The following SLC6A8 variants were observed in gnomAD, a reference collection of about 807,000 sequenced individuals.
SLC6A8 encodes the protein solute carrier family 6 member 8.
In SLC6A8, 6 loss-of-function variants were observed where a neutral mutation model predicts 48.3. The ratio of observed to expected loss-of-function variants is 0.12; its 90% CI spans 0.07 to 0.25. The LOEUF is 0.25. Ranked by LOEUF, SLC6A8 falls within the 10% of genes least tolerant of loss-of-function variation. The probability of loss-of-function intolerance (pLI) is 1.00; values close to 1 mark genes in which losing one functional copy is unlikely to be tolerated. For synonymous variants in SLC6A8, 245 were observed against 244.0 expected (o/e 1.00, Z -0.04); for missense variants, 260 against 551.5 (o/e 0.47, Z 5.29).
Position 153,693,547 on chromosome X carries a change from G to A in SLC6A8, c.1102G>A (p.Ala368Thr), listed in dbSNP as rs2091469604. 8.3e-7 allele frequency: 1 copy of A among 1,210,830 alleles called. No homozygotes were observed. Among genetic ancestry groups the A allele is most frequent in the Non-Finnish European group, 1.1e-6 (1 of 894,763 alleles). ...CTTCTCCATCCTGGGCTTCATGGCT[G>A]CAGAGCAGGGCGTGCACATCTCCAA... Reference protein sequence around the residue: ...VVFSILGFMAAEQGVHISKVA... With the variant: ...VVFSILGFMATEQGVHISKVA... Residue 368 changes from alanine to threonine, a missense_variant, in exon 7 of 13, where the codon GCA becomes ACA. Physicochemically the swap from Ala to Thr is moderately conservative, Grantham distance 58. Around this residue, in one of 7 missense-constraint regions of SLC6A8, gnomAD observed 75 missense variants for 248.8 expected, o/e 0.30. Coordinates refer to ENST00000253122, the MANE Select transcript of SLC6A8 (RefSeq NM_005629.4).
rs781788160 is a variant in SLC6A8, at chrX:153,694,159, C to T, written c.1284C>T (p.Gly428=). 12 of 1,210,158 alleles carry T rather than the reference C, an allele frequency of 9.9e-6. No individual in the cohort carries two copies. The highest frequency in any genetic ancestry group is 2.3e-4 in the Middle Eastern group (1 of 4,325). The change falls in exon 9 of 13, where the codon GGC becomes GGT. Residue 428 remains glycine (G), a synonymous_variant. Coordinates refer to ENST00000253122, the MANE Select transcript of SLC6A8 (RefSeq NM_005629.4). The part of the protein sequence containing the change: ...QFVGVEGFIT[G]LLDLLPASYY... ...TAGGTGTGGAGGGCTTCATCACCGG[C>T]CTCCTCGACCTCCTCCCGGCCTCCT... is the stretch of plus-strand genomic sequence containing the variant.
intron 4 of SLC6A8, chrX:153,692,771 C>G (rs1557044815): frequency 2.2e-6 from 1 of 454,673 alleles, no homozygotes; most frequent in Non-Finnish European, 4.0e-6. Flanking sequence ...CGCCTCCTGT[C>G]CCCACTGAGG....
At chrX:153,692,145 C>CCCT (rs2091459348) in intron 4 of SLC6A8, 38 bp downstream of exon 4, 1 of 1,171,565 alleles carries the variant, frequency 8.5e-7, no homozygotes, top group African/African-American at 1.8e-5. Flanking sequence ...GGTGGCTCAG[C>CCCT]CCTGGGAGCC....
rs1486907456 is a variant in SLC6A8 at position 153,688,168 on chromosome X, C to T, written c.-407C>T. 5.1e-5 allele frequency: 5 copies of T among 98,279 alleles called. No individual in the cohort carries two copies. Among genetic ancestry groups the T allele is most frequent in the Non-Finnish European group, 1.0e-4 (5 of 47,879 alleles). The allele number at this position is 98,279 out of a possible 1,213,427, so 8.1% of individuals were successfully genotyped here. On this transcript the variant is annotated 5_prime_UTR_variant, in exon 1 of 13. Coordinates refer to ENST00000253122, the MANE Select transcript of SLC6A8 (RefSeq NM_005629.4). Reference sequence around the variant, plus strand: ...CCCTGCTCCGGCCGCCGCTTGCAGACCGCGGGCGCCGATGTCGCCCGCGCC... The same window carrying T: ...CCCTGCTCCGGCCGCCGCTTGCAGATCGCGGGCGCCGATGTCGCCCGCGCC...
intron 1 of SLC6A8, 46 bp downstream of exon 1, chrX:153,688,882 G>T (rs2091438500): frequency 1.1e-6 from 1 of 889,033 alleles, no homozygotes; most frequent in Non-Finnish European, 1.5e-6. Flanking sequence ...GCAGGCCGCC[G>T]GCCCCCGCCC....
intron 3 of SLC6A8, 36 bp downstream of exon 3, chrX:153,691,589 C>T: frequency 8.3e-7 from 1 of 1,206,606 alleles, no homozygotes; most frequent in Non-Finnish European, 1.1e-6. Context: ...CCCATCCCAT[C>T]CCCCAGGTCT....
At position 153,694,254 on chromosome X, in the gene SLC6A8, C is replaced by G; in HGVS notation, c.1379C>G (p.Ser460Cys). 1 of 1,211,447 alleles carries G rather than the reference C, an allele frequency of 8.3e-7. No individual in the cohort carries two copies. The highest frequency in any genetic ancestry group is 1.1e-6 in the Non-Finnish European group (1 of 895,183). Residue 460 changes from serine to cysteine, a missense_variant, in exon 9 of 13, where the codon TCC becomes TGC. By Grantham distance (112) the Ser-to-Cys change is moderately radical (BLOSUM62 -1). Transcript: ENST00000253122. Reference sequence around the variant, plus strand: ...GCCCTCTGCTTTGTCATCGATCTCTCCATGGTGACTGATGTGAGTGGGGTG... The same window carrying G: ...GCCCTCTGCTTTGTCATCGATCTCTGCATGGTGACTGATGTGAGTGGGGTG... ...CCALCFVIDL[S>C]MVTDGGMYVF...
At chrX:153,692,359 GTC>G (rs1557044655) in intron 4 of SLC6A8, 2 of 442,398 alleles carry the variant, frequency 4.5e-6, no homozygotes, top group Admixed American at 5.6e-5. Flanking sequence ...CCTCCTGCCA[GTC>G]TCTGACTCTT....
chrX:153,690,893 C>CCA (rs1557044294), intron 2 of SLC6A8: 1 of 74,502 alleles, frequency 1.3e-5, no homozygotes, highest in African/African-American at 1.9e-4. Context: ...CGACTAGAAA[C>CCA]CCCCCCCCCC....
Position 153,695,288 on chromosome X carries a change from AG to A in SLC6A8, c.*79del. 9.4e-7 allele frequency: 1 copy of A among 1,063,067 alleles called. No homozygotes were observed. The highest frequency in any genetic ancestry group is 1.3e-6 in the Non-Finnish European group (1 of 778,555). The allele number at this position is 1,063,067 out of a possible 1,213,427, so 87.6% of individuals were successfully genotyped here. A position where few individuals can be genotyped will look rare whatever the true frequency, so the allele number is the denominator to read the frequency against. ...TGCTTCAGCCCCACCGCACCCCTCC[AG>A]GGGGCCTGCCTTTCCCTGACACTTT... On this transcript the variant is annotated 3_prime_UTR_variant, in exon 13 of 13. Transcript: ENST00000253122.
At chrX:153,695,040 C>T in intron 12 of SLC6A8, 34 bp from the exon 13 acceptor site, 1 of 1,187,214 alleles carries the variant, frequency 8.4e-7, no homozygotes, top group Non-Finnish European at 1.1e-6. Flanking sequence ...AGCAGGTGAC[C>T]CTGGGGGCTT....
chrX:153,688,192 C>T lies in SLC6A8; in HGVS notation c.-383C>T, dbSNP rs1372345522. 1 of 98,046 alleles carries T rather than the reference C, an allele frequency of 1.0e-5. No homozygotes were observed. Among genetic ancestry groups the T allele is most frequent in the Non-Finnish European group, 2.1e-5 (1 of 47,648 alleles). 8.1% of individuals were successfully genotyped at this position (98,046 alleles called of 1,213,427 possible). On this transcript the variant is annotated 5_prime_UTR_variant, in exon 1 of 13. Transcript: ENST00000253122. ...ACCGCGGGCGCCGATGTCGCCCGCGCCCCGCTAGGCTGAGCCTCGGGTCGG... is the reference window on the plus strand; with the variant it reads ...ACCGCGGGCGCCGATGTCGCCCGCGTCCCGCTAGGCTGAGCCTCGGGTCGG...
intron 1 of SLC6A8, among the ~76,000 whole-genome samples, chrX:153,690,096 C>T (rs1557044127): frequency 8.8e-6 from 1 of 113,188 alleles, no homozygotes; most frequent in African/African-American, 3.2e-5. Context: ...CCATGGCCAT[C>T]GCCCCAAGTG....
Position 153,687,978 on chromosome X carries a change from C to T in SLC6A8, c.-597C>T, listed in dbSNP as rs1238858384. 9.4e-6 allele frequency: 1 copy of T among 106,825 alleles called. No individual in the cohort carries two copies. Among genetic ancestry groups the T allele is most frequent in the Non-Finnish European group, 2.0e-5 (1 of 50,879 alleles). 8.8% of individuals were successfully genotyped at this position (106,825 alleles called of 1,213,427 possible). A position where few individuals can be genotyped will look rare whatever the true frequency, so the allele number is the denominator to read the frequency against. On this transcript the variant is annotated 5_prime_UTR_variant, in exon 1 of 13. Transcript: ENST00000253122. ...GCGAGTCGCTGAGCCCGCCGCGGCC[C>T]CGAGAGCGGCTGCAGCCGCCGCCGC... is the stretch of plus-strand genomic sequence containing the variant.
intron 4 of SLC6A8, chrX:153,692,435 G>C (rs1186949441): frequency 5.5e-6 from 2 of 361,169 alleles, no homozygotes; most frequent in Non-Finnish European, 1.1e-5. Flanking sequence ...ACCCAGAGCA[G>C]AGTCTGGCCA....
chrX:153,691,859 G>A, intron 3 of SLC6A8, 116 bp from the exon 4 acceptor site: 1 of 878,236 alleles, frequency 1.1e-6, no homozygotes, highest in Non-Finnish European at 1.6e-6. Context: ...TTGGACAAGA[G>A]GGACCCGCTG....
chrX:153,693,244 C>A lies in SLC6A8; in HGVS notation c.913-19C>A, dbSNP rs782810502. 2.5e-6 allele frequency: 3 copies of A among 1,207,106 alleles called. No homozygotes were observed. The highest frequency in any genetic ancestry group is 2.2e-6 in the Non-Finnish European group (2 of 891,212). Reference sequence around the variant, plus strand: ...GCCCTGCAGGCCCCTCATGCCTGCGCTCTCCGGCCCTTCTCTAGGTGTGGA... The same window carrying A: ...GCCCTGCAGGCCCCTCATGCCTGCGATCTCCGGCCCTTCTCTAGGTGTGGA... On this transcript the variant is annotated intron_variant, in intron 5 of 12. Coordinates refer to ENST00000253122, the MANE Select transcript of SLC6A8 (RefSeq NM_005629.4).
rs1233444890 is a variant in SLC6A8, at chrX:153,688,650, G to A, written c.76G>A (p.Gly26Arg). 4.3e-5 allele frequency: 46 copies of A among 1,073,321 alleles called. No individual in the cohort carries two copies. The highest frequency in any genetic ancestry group is 5.2e-5 in the Non-Finnish European group (43 of 823,554). 88.5% of individuals were successfully genotyped at this position (1,073,321 alleles called of 1,213,427 possible). The stretch of plus-strand genomic sequence containing the variant: ...GAAGAAGGGCCCCCTCATCGCGCCC[G>A]GGCCCGACGGGGCCCCGGCCAAGGG... ...DEKKGPLIAPGPDGAPAKGDG... is the reference protein window; with the variant it reads ...DEKKGPLIAPRPDGAPAKGDG... The change falls in exon 1 of 13, where the codon GGG becomes AGG. Residue 26 changes from glycine to arginine, a missense_variant. This residue lies in a region of SLC6A8 where 50 missense variants were observed against 55.1 expected (regional missense o/e 0.91). Transcript: ENST00000253122.
rs1557043789 is a variant in SLC6A8 at position 153,688,662 on chromosome X, GC to G, written c.92del (p.Pro31ArgfsTer66). On this transcript the variant is annotated frameshift_variant, in exon 1 of 13. Transcript: ENST00000253122. LOFTEE classifies it high-confidence loss of function. ...GPLIAPGPDG[A>X]PAKGDGPVGL... ...CCTCATCGCGCCCGGGCCCGACGGG[GC>G]CCCGGCCAAGGGCGACGGCCCCGTG... 2.8e-6 allele frequency: 3 copies of G among 1,084,227 alleles called. No individual in the cohort carries two copies. The highest frequency in any genetic ancestry group is 4.3e-5 in the East Asian group (1 of 23,471). 89.4% of individuals were successfully genotyped at this position (1,084,227 alleles called of 1,213,427 possible).
Sources: allele counts gnomAD v4.1 joint callset (sites outside exome capture counted in the v4.1 genomes callset), GRCh38; gene constraint gnomAD v4.1.1; regional missense constraint gnomAD v4.1.1; transcripts MANE v1.5; gene names NCBI Gene and HGNC (gene_info 2026-07-23, HGNC 2026-07-21).